AFF2: variants seen among roughly 807,000 people sequenced by gnomAD.
AFF2 encodes the protein ALF transcription elongation factor 2, also known as AF4/FMR2 family member 2.
AFF2 carries 14 observed loss-of-function variants against 76.9 expected under a neutral mutation model. The observed-to-expected ratio is 0.18, with a 90% CI of 0.12 to 0.28. The LOEUF is 0.28. Among genes scored for constraint, AFF2 ranks in the 10% least tolerant of loss-of-function variants. AFF2 has a pLI of 1.00. For synonymous variants in AFF2, 398 were observed against 366.7 expected (o/e 1.09, Z -0.98); for missense variants, 868 against 1,001.1 (o/e 0.87, Z 1.79).
At chrX:148,701,300 G>A (rs1333731200) in intron 3 of AFF2, among the ~76,000 whole-genome samples, 1 of 111,501 alleles carries the variant, frequency 9.0e-6, no homozygotes, top group Non-Finnish European at 1.9e-5. Context: ...ATCTCTCAAC[G>A]CCTGGTGGAA....
At chrX:148,738,417 T>C (rs2055311315) in intron 3 of AFF2, among the ~76,000 whole-genome samples, 1 of 111,599 alleles carries the variant, frequency 9.0e-6, no homozygotes, top group Non-Finnish European at 1.9e-5. Flanking sequence ...AAGGTGTTCA[T>C]AGTAGCCTTG....
chrX:148,934,129 A>G (rs962264159), intron 9 of AFF2, among the ~76,000 whole-genome samples: 7 of 112,824 alleles, frequency 6.2e-5, no homozygotes, highest in Non-Finnish European at 1.3e-4. Context: ...ACATGACTGA[A>G]TCAGTCAAAT....
intron 3 of AFF2, among the ~76,000 whole-genome samples, chrX:148,701,010 GAA>G (rs1491302441): frequency 2.7e-4 from 23 of 86,094 alleles, no homozygotes; most frequent in East Asian, 1.1e-3. Context: ...GAGAGAGAGA[GAA>G]TGTGTGTGTG....
At chrX:148,760,089 A>G (rs782038632) in intron 3 of AFF2, among the ~76,000 whole-genome samples, 3 of 112,533 alleles carry the variant, frequency 2.7e-5, no homozygotes, top group East Asian at 2.8e-4. Flanking sequence ...CATAATATTA[A>G]TGTTTTAAAA....
chrX:148,841,142 G>A lies in AFF2; in HGVS notation c.1174-1824G>A, dbSNP rs886226591. ...CATAAGACCAGTACAAAGACGGCCT[G>A]CATGTTTTACTCTCTGATCAGATAT... On this transcript the variant is annotated intron_variant, in intron 5 of 20. Transcript: ENST00000370460. 4.2e-4 allele frequency among the ~76,000 whole-genome samples: 47 copies of A among 111,661 alleles called. 1 individual carries two copies. The highest frequency in any genetic ancestry group is 1.5e-3 in the African/African-American group (46 of 30,783).
chrX:148,764,279 T>C (rs781939593), intron 3 of AFF2, among the ~76,000 whole-genome samples: 66 of 112,316 alleles, frequency 5.9e-4, no homozygotes, highest in Non-Finnish European at 1.1e-3. Flanking sequence ...AAAATTGAAA[T>C]TAGAAACAGA....
intron 1 of AFF2, among the ~76,000 whole-genome samples, chrX:148,606,734 G>A (rs1020691678): frequency 8.9e-6 from 1 of 111,792 alleles, no homozygotes; most frequent in Non-Finnish European, 1.9e-5. Flanking sequence ...TGACGATTCA[G>A]TAGGCACTTC....
At chrX:148,552,043 A>G (rs1258250710) in intron 1 of AFF2, among the ~76,000 whole-genome samples, 1 of 112,772 alleles carries the variant, frequency 8.9e-6, no homozygotes, top group Non-Finnish European at 1.9e-5. Context: ...TGCTTGGGGA[A>G]TTAAGCACTG....
At chrX:148,653,884 T>A (rs782485174) in intron 2 of AFF2, among the ~76,000 whole-genome samples, 10 of 111,260 alleles carry the variant, frequency 9.0e-5, no homozygotes, top group Admixed American at 1.9e-4. Flanking sequence ...TTAATTTAGT[T>A]TTGAGTGCGT....
rs1184210566 is a variant in AFF2, at chrX:148,839,108, G to C, written c.1173+1375G>C. Among the ~76,000 whole-genome samples the C allele has an allele frequency of 1.8e-5, 2 of 112,523 alleles. 1 individual carries two copies. Among genetic ancestry groups the C allele is most frequent in the Non-Finnish European group, 3.7e-5 (2 of 53,341 alleles). ...CCAGTTTTGAAGATAATTTGTGCAAGTTGCAATTTTGACATTTGCAAGTGT... is the reference window on the plus strand; with the variant it reads ...CCAGTTTTGAAGATAATTTGTGCAACTTGCAATTTTGACATTTGCAAGTGT... On this transcript the variant is annotated intron_variant, in intron 5 of 20. Coordinates refer to ENST00000370460, the MANE Select transcript of AFF2 (RefSeq NM_002025.4).
intron 5 of AFF2, among the ~76,000 whole-genome samples, chrX:148,839,719 A>G (rs1310017374): frequency 1.8e-5 from 2 of 111,644 alleles, no homozygotes; most frequent in Admixed American, 9.5e-5. Context: ...AGGTGACAGC[A>G]TCCTTTCAGA....
chrX:148,541,349 G>C (rs992540840), intron 1 of AFF2, among the ~76,000 whole-genome samples: 5 of 111,727 alleles, frequency 4.5e-5, no homozygotes, highest in African/African-American at 1.6e-4. Context: ...CTGATTCCTC[G>C]TGCTGACTGG....
rs576979081 is a variant in AFF2, at chrX:148,870,166, A to AC, written c.1263-15718dup. 1.5e-4 allele frequency among the ~76,000 whole-genome samples: 17 copies of AC among 111,120 alleles called. No individual in the cohort carries two copies. The South Asian group carries it at 6.6e-3, about 43-fold the overall frequency. ...ACGTAGAGGGAATTTAGGGGTACTT[A>AC]CCCCCAAAACCACTCTGGAGCTTCC... On this transcript the variant is annotated intron_variant, in intron 7 of 20. Transcript: ENST00000370460.
At chrX:148,530,593 C>CTTTTTTTTT (rs111769731) in intron 1 of AFF2, among the ~76,000 whole-genome samples, 1 of 104,050 alleles carries the variant, frequency 9.6e-6, no homozygotes, top group Non-Finnish European at 2.0e-5. Context: ...AAATTTGCTC[C>CTTTTTTTTT]TTTTTTTTTT....
chrX:148,551,482 GAAAAAAAAAAAAAAA>G (rs781883999), intron 1 of AFF2, among the ~76,000 whole-genome samples: 23 of 38,014 alleles, frequency 6.1e-4, no homozygotes, highest in African/African-American at 2.1e-3. Flanking sequence ...GCTGGGAAGT[GAAAAAAAAAAAAAAA>G]AAAAAAAAAA....
chrX:148,779,883 A>G (rs1339709895), intron 3 of AFF2, among the ~76,000 whole-genome samples: 4 of 111,992 alleles, frequency 3.6e-5, no homozygotes, highest in African/African-American at 1.3e-4. Flanking sequence ...AGTGGCTGCT[A>G]CCAGTTTTTC....
In AFF2 at chrX:148,955,875, G is replaced by C. The variant is rs200450195; in HGVS notation, c.1830G>C (p.Leu610Phe). 17 of 1,209,858 alleles carry C rather than the reference G, an allele frequency of 1.4e-5. No homozygotes were observed. Among genetic ancestry groups the C allele is most frequent in the Middle Eastern group, 2.3e-4 (1 of 4,355 alleles). ...PTQKIPETKALKHKLSTTSET... is the reference protein window; with the variant it reads ...PTQKIPETKAFKHKLSTTSET... The stretch of plus-strand genomic sequence containing the variant: ...AGAAAATTCCAGAAACAAAGGCTTT[G>C]AAGCATAAGTTGTCAACAACTAGTG... Residue 610 changes from leucine to phenylalanine, a missense_variant, in exon 11 of 21, where the codon TTG becomes TTC. Transcript: ENST00000370460.
intron 1 of AFF2, among the ~76,000 whole-genome samples, chrX:148,641,071 A>G (rs1557254617): frequency 9.0e-6 from 1 of 110,803 alleles, no homozygotes; most frequent in Non-Finnish European, 1.9e-5. Flanking sequence ...TTTGGAATGG[A>G]TTTGCCTCTC....
intron 5 of AFF2, among the ~76,000 whole-genome samples, chrX:148,840,734 T>G (rs921958246): frequency 1.5e-4 from 17 of 112,542 alleles, no homozygotes; most frequent in African/African-American, 5.5e-4. Flanking sequence ...AGATTATTTC[T>G]ACAACCAAGC....
Sources: allele counts gnomAD v4.1 joint callset (sites outside exome capture counted in the v4.1 genomes callset), GRCh38; gene constraint gnomAD v4.1.1; transcripts MANE v1.5; gene names NCBI Gene and HGNC (gene_info 2026-07-23, HGNC 2026-07-21).